RBFOX1: variants seen among roughly 807,000 people sequenced by gnomAD.
RBFOX1 encodes RNA binding protein fox-1 homolog 1.
In RBFOX1, 8 loss-of-function variants were observed where a neutral mutation model predicts 57.7. The observed-to-expected ratio is 0.14, with a 90% CI of 0.08 to 0.25. The LOEUF is 0.25. Ranked by LOEUF, RBFOX1 falls within the 10% of genes least tolerant of loss-of-function variation. The pLI is 1.00. For missense variants in RBFOX1, 611 were observed against 548.5 expected (o/e 1.11, Z -1.14); for synonymous variants, 326 against 222.4 (o/e 1.47, Z -4.15).
chr16:7,654,446 A>G (rs1036990738), intron 12 of RBFOX1, among the ~76,000 whole-genome samples: 3 of 152,200 alleles, frequency 2.0e-5, no homozygotes, highest in African/African-American at 7.2e-5. Flanking sequence ...AGTCACATGC[A>G]AACATACAAG....
chr16:7,125,574 A>C (rs2068296815), intron 4 of RBFOX1, among the ~76,000 whole-genome samples: 1 of 152,218 alleles, frequency 6.6e-6, no homozygotes, highest in Non-Finnish European at 1.5e-5. Context: ...GGATGGTTCT[A>C]AGCATTTTAC....
chr16:7,643,859 G>A (rs891536891), intron 11 of RBFOX1, among the ~76,000 whole-genome samples: 2 of 152,044 alleles, frequency 1.3e-5, no homozygotes, highest in African/African-American at 2.4e-5. Context: ...AAGAAATGGC[G>A]GGCACACACA....
At chr16:5,776,807 C>T (rs2054164317) in intron 3 of RBFOX1, among the ~76,000 whole-genome samples, 1 of 152,180 alleles carries the variant, frequency 6.6e-6, no homozygotes, top group African/African-American at 2.4e-5. Flanking sequence ...TTTCTCCCTC[C>T]AGAACAGCCC....
intron 2 of RBFOX1, among the ~76,000 whole-genome samples, chr16:6,531,316 TG>T (rs2096654946): frequency 6.6e-6 from 1 of 152,172 alleles, no homozygotes; most frequent in Non-Finnish European, 1.5e-5. Context: ...CTCTGGTATT[TG>T]CAGGTACTTC....
At chr16:6,014,091 AC>A (rs1268848847), upstream of RBFOX1, among the ~76,000 whole-genome samples, 1 of 152,188 alleles carries the variant, frequency 6.6e-6, no homozygotes, top group Non-Finnish European at 1.5e-5. Context: ...GTGCACATGT[AC>A]CCTAAAACTT....
chr16:5,301,618 C>CAAAAAAAAAAAA (rs60501583), intron 1 of RBFOX1, among the ~76,000 whole-genome samples: 2 of 87,050 alleles, frequency 2.3e-5, no homozygotes, highest in Non-Finnish European at 4.2e-5. Context: ...GTCTCCATCT[C>CAAAAAAAAAAAA]AAAAAAAAAA....
rs552342231 is a variant in RBFOX1 at position 7,236,682 on chromosome 16, C to A, written c.27+184584C>A. Among the ~76,000 whole-genome samples the A allele has an allele frequency of 3.9e-5, 6 of 152,166 alleles. No individual in the cohort carries two copies. The South Asian group carries it at 8.3e-4, about 21-fold the overall frequency. ...GTTGTTTGCAGAAGTAATTTAGTAA[C>A]TTTACTTTTTCTTTTTTTTTTAATT... On this transcript the variant is annotated intron_variant, in intron 4 of 15. Transcript: ENST00000550418.
At chr16:7,062,922 T>TTTTTTTTTTTTTTTTTTC (rs2054909051) in intron 4 of RBFOX1, among the ~76,000 whole-genome samples, 1 of 120,402 alleles carries the variant, frequency 8.3e-6, no homozygotes, top group African/African-American at 2.9e-5. Flanking sequence ...TTTTTTTTTT[T>TTTTTTTTTTTTTTTTTTC]TTTTTTGCTG....
chr16:6,260,551 A>G (rs961049349), intron 1 of RBFOX1, among the ~76,000 whole-genome samples: 2 of 152,190 alleles, frequency 1.3e-5, no homozygotes, highest in Admixed American at 6.5e-5. Flanking sequence ...TTTTAATTAA[A>G]TATCTGTATT....
intron 2 of RBFOX1, among the ~76,000 whole-genome samples, chr16:6,383,332 G>T (rs1046878550): frequency 6.6e-6 from 1 of 152,168 alleles, no homozygotes. Context: ...ACCTATGCAG[G>T]ATGCCATGTG....
chr16:5,818,011 G>C (rs73514207), intron 3 of RBFOX1, among the ~76,000 whole-genome samples: 4,678 of 152,218 alleles, frequency 0.031, 197 homozygotes, highest in African/African-American at 0.099. Flanking sequence ...GCTGTATTAA[G>C]CGTATTTGTC....
In RBFOX1 at chr16:7,710,820, A is replaced by C. The variant is rs984177208; in HGVS notation, c.*75A>C. ...GAGGCCTGAGTATTGCAATACATGC[A>C]GTAGTACATCATTTTAGCAACTCTA... On this transcript the variant is annotated 3_prime_UTR_variant, in exon 16 of 16. Transcript: ENST00000550418. The C allele has an allele frequency of 8.9e-6, 11 of 1,239,032 alleles. No individual in the cohort carries two copies. Among genetic ancestry groups the C allele is most frequent in the Non-Finnish European group, 1.2e-5 (11 of 944,094 alleles). 76.8% of individuals were successfully genotyped at this position (1,239,032 alleles called of 1,614,324 possible).
intron 1 of RBFOX1, among the ~76,000 whole-genome samples, chr16:6,199,716 G>A (rs1008889255): frequency 1.3e-5 from 2 of 152,178 alleles, no homozygotes; most frequent in African/African-American, 4.8e-5. Flanking sequence ...GGTAGCAGAT[G>A]AGTTTTATCT....
intron 2 of RBFOX1, among the ~76,000 whole-genome samples, chr16:6,613,124 C>T (rs576159504): frequency 7.9e-5 from 12 of 151,932 alleles, no homozygotes; most frequent in Admixed American, 4.6e-4. Flanking sequence ...CTTTTGCACT[C>T]GCGGTGCATG....
intron 1 of RBFOX1, among the ~76,000 whole-genome samples, chr16:6,191,141 T>C (rs2097139237): frequency 6.6e-6 from 1 of 151,902 alleles, no homozygotes; most frequent in Non-Finnish European, 1.5e-5. Flanking sequence ...TTTTTTTTTT[T>C]TTTTTCTTCA....
At chr16:6,738,106 C>G (rs1327941758) in intron 3 of RBFOX1, among the ~76,000 whole-genome samples, 1 of 149,270 alleles carries the variant, frequency 6.7e-6, no homozygotes, top group Non-Finnish European at 1.5e-5. Context: ...CAGGCATTTT[C>G]CTCTTGTCAA....
In RBFOX1 at chr16:7,456,112, A is replaced by G. The variant is rs574171824; in HGVS notation, c.28-62035A>G. Among the ~76,000 whole-genome samples, 9 of 152,270 alleles carry G rather than the reference A, an allele frequency of 5.9e-5. 1 individual carries two copies. Among genetic ancestry groups the G allele is most frequent in the African/African-American group, 1.9e-4 (8 of 41,560 alleles). On this transcript the variant is annotated intron_variant, in intron 4 of 15. Coordinates refer to ENST00000550418, the MANE Select transcript of RBFOX1 (RefSeq NM_018723.4). The stretch of plus-strand genomic sequence containing the variant: ...ATGATTTTTGAACAAGCGTTCCTAC[A>G]TTGCCCTTTTGCACTGCCCCCAGAA...
chr16:7,650,684 A>C (rs975772486), intron 11 of RBFOX1, among the ~76,000 whole-genome samples: 7 of 152,332 alleles, frequency 4.6e-5, no homozygotes, highest in African/African-American at 1.7e-4. Context: ...ACTCGGCTCC[A>C]TAGCCAGTGA....
intron 1 of RBFOX1, among the ~76,000 whole-genome samples, chr16:6,076,961 C>G (rs2095911505): frequency 6.6e-6 from 1 of 152,138 alleles, no homozygotes; most frequent in African/African-American, 2.4e-5. Flanking sequence ...AACAGCAGTG[C>G]TAGAATCTGG....
Sources: allele counts gnomAD v4.1 joint callset (sites outside exome capture counted in the v4.1 genomes callset), GRCh38; gene constraint gnomAD v4.1.1; transcripts MANE v1.5; gene names NCBI Gene and HGNC (gene_info 2026-07-23, HGNC 2026-07-21).